Variants in ZFAT observed in about 807,000 individuals in gnomAD.
ZFAT encodes zinc finger and AT-hook domain containing.
In ZFAT, 64 loss-of-function variants were observed where a neutral mutation model predicts 117.7. That is an observed-to-expected ratio of 0.54 (90% confidence interval 0.44 to 0.67). The LOEUF (loss-of-function observed/expected upper bound fraction) is 0.67, where lower values mean the gene tolerates loss of function less well. Among genes scored for constraint, ZFAT ranks in the 30% least tolerant of loss-of-function variants. The probability of loss-of-function intolerance (pLI) is 0.00; values close to 1 mark genes in which losing one functional copy is unlikely to be tolerated. For missense variants in ZFAT, 1,433 were observed against 1,584.5 expected (o/e 0.90, Z 1.62); for synonymous variants, 679 against 615.0 (o/e 1.10, Z -1.54).
chr8:134,820,474 G>A, the ZFAT span, among the ~76,000 whole-genome samples: 1 of 152,188 alleles, frequency 6.6e-6, no homozygotes, highest in African/African-American at 2.4e-5. Flanking sequence ...ACTATATTCT[G>A]CTATGGTAAC....
intron 1 of ZFAT, among the ~76,000 whole-genome samples, chr8:134,676,952 T>C (rs1343553389): frequency 1.3e-5 from 2 of 152,132 alleles, no homozygotes; most frequent in Non-Finnish European, 2.9e-5. Flanking sequence ...AAGCAGTGTG[T>C]AGAGGGAAAT....
At chr8:134,777,638 C>A in the ZFAT span, among the ~76,000 whole-genome samples, 3 of 152,314 alleles carry the variant, frequency 2.0e-5, no homozygotes, top group Non-Finnish European at 4.4e-5. Flanking sequence ...TTCTCTGCCT[C>A]ATATAGGGGA....
chr8:134,532,516 G>A (rs963169311), intron 12 of ZFAT, among the ~76,000 whole-genome samples: 3 of 152,162 alleles, frequency 2.0e-5, no homozygotes, highest in African/African-American at 4.8e-5. Context: ...TCATCTCTGC[G>A]AACTTTACGC....
intron 7 of ZFAT, chr8:134,598,528 T>C (rs903463945): frequency 3.9e-5 from 6 of 152,224 alleles, no homozygotes; most frequent in Non-Finnish European, 8.8e-5. Context: ...CCCCCACTGA[T>C]CATGAGGCCC....
chr8:134,683,120 C>T (rs1377167737), intron 1 of ZFAT, among the ~76,000 whole-genome samples: 1 of 152,166 alleles, frequency 6.6e-6, no homozygotes, highest in Non-Finnish European at 1.5e-5. Context: ...AATAAACATA[C>T]AAATTCACTA....
At chr8:134,508,658 A>G (rs547373959) in intron 15 of ZFAT, among the ~76,000 whole-genome samples, 1 of 152,282 alleles carries the variant, frequency 6.6e-6, no homozygotes, top group East Asian at 1.9e-4. Context: ...GACATCCTTT[A>G]TGTCATACTG....
chr8:134,815,328 C>G, the ZFAT span, among the ~76,000 whole-genome samples: 2 of 152,118 alleles, frequency 1.3e-5, no homozygotes, highest in African/African-American at 4.8e-5. Flanking sequence ...TCTAGATAAC[C>G]TAGACTTGCT....
chr8:134,676,255 CAAAAAA>C (rs146638821), intron 1 of ZFAT, among the ~76,000 whole-genome samples: 4 of 80,596 alleles, frequency 5.0e-5, no homozygotes, highest in Admixed American at 3.0e-4. Flanking sequence ...AAATGGAAAG[CAAAAAA>C]AAAAAAAAAA....
the ZFAT span, among the ~76,000 whole-genome samples, chr8:134,732,841 C>A: frequency 1.3e-4 from 20 of 152,270 alleles, 1 homozygote; most frequent in Middle Eastern, 3.4e-3. Flanking sequence ...ACACAGAGCA[C>A]AGGCTTGTTA....
chr8:134,591,301 C>T (rs1826486078), intron 7 of ZFAT, among the ~76,000 whole-genome samples: 1 of 152,200 alleles, frequency 6.6e-6, no homozygotes, highest in Non-Finnish European at 1.5e-5. Flanking sequence ...CGGACGCCCA[C>T]CCAGGATGCC....
chr8:134,738,306 G>T, the ZFAT span, among the ~76,000 whole-genome samples: 16 of 152,132 alleles, frequency 1.1e-4, no homozygotes, highest in Admixed American at 6.5e-5. Context: ...GAATTCTGCG[G>T]CTGTCCCAAC....
intron 15 of ZFAT, among the ~76,000 whole-genome samples, chr8:134,480,957 C>A (rs1817262507): frequency 6.6e-6 from 1 of 152,146 alleles, no homozygotes; most frequent in Non-Finnish European, 1.5e-5. Flanking sequence ...CTGGGGTGAG[C>A]TCCGGAGGTT....
the ZFAT span, among the ~76,000 whole-genome samples, chr8:134,809,628 T>A: frequency 6.6e-6 from 1 of 152,190 alleles, no homozygotes; most frequent in Non-Finnish European, 1.5e-5. Context: ...TAAATGCATA[T>A]TGCATTTTGA....
intron 3 of ZFAT, among the ~76,000 whole-genome samples, chr8:134,625,101 G>A (rs1486332511): frequency 2.0e-5 from 3 of 152,136 alleles, no homozygotes; most frequent in Admixed American, 6.5e-5. Flanking sequence ...ACACTGATTC[G>A]AACCTGCTGA....
chr8:134,640,957 T>C (rs1488901973), intron 2 of ZFAT, among the ~76,000 whole-genome samples: 1 of 152,216 alleles, frequency 6.6e-6, no homozygotes, highest in Middle Eastern at 3.2e-3. Context: ...TCTGAATTCC[T>C]TTATTTAATC....
At chr8:134,502,374 G>A (rs1819057845) in intron 15 of ZFAT, among the ~76,000 whole-genome samples, 1 of 152,224 alleles carries the variant, frequency 6.6e-6, no homozygotes, top group African/African-American at 2.4e-5. Context: ...CGACAGATTG[G>A]ACATGCACTT....
At chr8:134,731,603 T>A in the ZFAT span, among the ~76,000 whole-genome samples, 3 of 152,328 alleles carry the variant, frequency 2.0e-5, no homozygotes, top group East Asian at 5.8e-4. Context: ...GAATACACAG[T>A]GTGCTCAGTT....
At chr8:134,574,995 A>T (rs1825196354) in intron 10 of ZFAT, among the ~76,000 whole-genome samples, 1 of 152,168 alleles carries the variant, frequency 6.6e-6, no homozygotes. Context: ...TTGAAAAAAA[A>T]AAGTGACTTA....
At chr8:134,569,467 A>G (rs186491599) in intron 10 of ZFAT, among the ~76,000 whole-genome samples, 2,191 of 152,272 alleles carry the variant, frequency 0.014, 26 homozygotes, top group Admixed American at 0.021. Context: ...CCACTAACAC[A>G]TAAGGTGACT....
Sources: gnomAD v4.1 joint callset for allele counts (sites outside exome capture counted in the v4.1 genomes callset) on GRCh38, gnomAD v4.1.1 for gene constraint, MANE v1.5 for transcripts, NCBI Gene and HGNC (gene_info 2026-07-23, HGNC 2026-07-21) for gene names.